Variants in ADAMTS2 observed in about 807,000 individuals in gnomAD.
ADAMTS2 encodes the protein ADAM metallopeptidase with thrombospondin type 1 motif 2.
A neutral mutation model predicts 123.0 loss-of-function variants in ADAMTS2; 50 were observed. The ratio of observed to expected loss-of-function variants is 0.41; its 90% CI spans 0.32 to 0.51. ADAMTS2 has a LOEUF of 0.51. Ranked by LOEUF, ADAMTS2 falls within the 20% of genes least tolerant of loss-of-function variation. ADAMTS2 has a pLI of 0.35. For synonymous variants in ADAMTS2, 678 were observed against 695.4 expected (o/e 0.98, Z 0.39); for missense variants, 1,494 against 1,705.2 (o/e 0.88, Z 2.18).
At chr5:179,292,317 C>T (rs1012761389) in intron 2 of ADAMTS2, among the ~76,000 whole-genome samples, 3 of 144,172 alleles carry the variant, frequency 2.1e-5, no homozygotes, top group Non-Finnish European at 4.6e-5. Context: ...ACATTGTGAG[C>T]GGTAACAGCT....
intron 10 of ADAMTS2, among the ~76,000 whole-genome samples, chr5:179,143,158 G>A (rs1445624000): frequency 1.3e-5 from 2 of 152,236 alleles, no homozygotes; most frequent in Non-Finnish European, 2.9e-5. Context: ...TAGAGGCTGA[G>A]TGCAATGGCT....
In ADAMTS2 at chr5:179,201,870, T is replaced by C. The variant is rs530002780; in HGVS notation, c.891+5643A>G. ...GACTATTTCAATAAACCAAAAAACA[T>C]GCTTTTCTAGATGTAAGGAGGAAGA... is the stretch of plus-strand genomic sequence containing the variant. On this transcript the variant is annotated intron_variant, in intron 4 of 21. Transcript: ENST00000251582. 9.2e-5 allele frequency among the ~76,000 whole-genome samples: 14 copies of C among 152,134 alleles called. No individual in the cohort carries two copies. The South Asian group carries it at 2.5e-3, about 27-fold the overall frequency.
In ADAMTS2 at chr5:179,132,724, T is replaced by C. The variant is rs1762986486; in HGVS notation, c.2209+53A>G. 1.2e-6 allele frequency: 2 copies of C among 1,611,330 alleles called. No homozygotes were observed. Among genetic ancestry groups the C allele is most frequent in the Non-Finnish European group, 1.7e-6 (2 of 1,178,162 alleles). The stretch of plus-strand genomic sequence containing the variant: ...AGTCAGGCCCTCAGCTGTCCGGGCA[T>C]GAGCCTGCTGCAGGCATCCAGGCTC... On this transcript the variant is annotated intron_variant, in intron 14 of 21. Coordinates refer to ENST00000251582, the MANE Select transcript of ADAMTS2 (RefSeq NM_014244.5). This position sits in a 1 kb window ranked among gnomAD's most constrained non-coding sequence, Gnocchi z 6.1.
chr5:179,272,857 G>C lies in ADAMTS2; in HGVS notation c.688+54C>G. ...TGAGTCTCTGGGATGCTCCCCTGGG[G>C]ACCAGGGCCTCAGAGGGCTCTCCAC... On this transcript the variant is annotated intron_variant, in intron 3 of 21. Coordinates refer to ENST00000251582, the MANE Select transcript of ADAMTS2 (RefSeq NM_014244.5). This position sits in a 1 kb window ranked among gnomAD's most constrained non-coding sequence, Gnocchi z 5.8. The C allele has an allele frequency of 6.3e-7, 1 of 1,584,612 alleles. No homozygotes were observed. The highest frequency in any genetic ancestry group is 1.1e-5 in the South Asian group (1 of 89,774).
chr5:179,327,648 C>T (rs996330986), intron 2 of ADAMTS2, among the ~76,000 whole-genome samples: 6 of 152,130 alleles, frequency 3.9e-5, no homozygotes, highest in Non-Finnish European at 8.8e-5. Context: ...GCCGTGCCAC[C>T]GTGGGGAAAT....
chr5:179,320,938 C>T (rs163497), intron 2 of ADAMTS2, among the ~76,000 whole-genome samples: 121,376 of 152,012 alleles, frequency 0.8, 48,820 homozygotes, highest in Admixed American at 0.88. Context: ...GAAATCGACA[C>T]AGAGGAGAGC....
At chr5:179,143,173 C>T (rs772963047) in intron 10 of ADAMTS2, among the ~76,000 whole-genome samples, 69 of 152,182 alleles carry the variant, frequency 4.5e-4, no homozygotes, top group Non-Finnish European at 9.6e-4. Context: ...ATGGCTCACA[C>T]CTGTAGTCCC....
intron 4 of ADAMTS2, among the ~76,000 whole-genome samples, chr5:179,194,635 C>G (rs1290479445): frequency 6.6e-6 from 1 of 152,202 alleles, no homozygotes; most frequent in East Asian, 1.9e-4. Flanking sequence ...TAGGGGAGGA[C>G]CAGCACAGGG....
rs952280304 is a variant in ADAMTS2 at position 179,228,657 on chromosome 5, G to A, written c.689-20942C>T. On this transcript the variant is annotated intron_variant, in intron 3 of 21. Coordinates refer to ENST00000251582, the MANE Select transcript of ADAMTS2 (RefSeq NM_014244.5). This position sits in a 1 kb window ranked among gnomAD's most constrained non-coding sequence, Gnocchi z 5.2. ...CCCCCAGCCCCAGAACCCACCATGCGCGGCTGGGCCGACTGTGCCTGCCCT... is the reference window on the plus strand; with the variant it reads ...CCCCCAGCCCCAGAACCCACCATGCACGGCTGGGCCGACTGTGCCTGCCCT... Among the ~76,000 whole-genome samples, 2 of 152,234 alleles carry A rather than the reference G, an allele frequency of 1.3e-5. No individual in the cohort carries two copies. Among genetic ancestry groups the A allele is most frequent in the African/African-American group, 4.8e-5 (2 of 41,460 alleles).
chr5:179,337,558 G>A (rs1215153598), intron 2 of ADAMTS2, among the ~76,000 whole-genome samples: 4 of 152,222 alleles, frequency 2.6e-5, no homozygotes, highest in Non-Finnish European at 4.4e-5. Context: ...CTGCTGTGCC[G>A]GCAGCAACAC....
chr5:179,277,475 A>C (rs1766747455), intron 2 of ADAMTS2, among the ~76,000 whole-genome samples: 1 of 40,772 alleles, frequency 2.5e-5, no homozygotes, highest in Non-Finnish European at 4.8e-5. Context: ...CCCGAGACCA[A>C]AGGCTGACCC....
At position 179,167,342 on chromosome 5, in the gene ADAMTS2, C is replaced by T. The variant is rs569861322; in HGVS notation, c.976-8463G>A. On this transcript the variant is annotated intron_variant, in intron 5 of 21. Coordinates refer to ENST00000251582, the MANE Select transcript of ADAMTS2 (RefSeq NM_014244.5). ...GGGGACGCACCCGGCGCCCAGACTC[C>T]GCGGCCGCACCCGGGCTCCCGGGGC... Among the ~76,000 whole-genome samples, 11 of 152,120 alleles carry T rather than the reference C, an allele frequency of 7.2e-5. No homozygotes were observed. The South Asian group carries it at 2.1e-3, about 29-fold the overall frequency.
At chr5:179,282,595 T>G (rs1035957793) in intron 2 of ADAMTS2, among the ~76,000 whole-genome samples, 2 of 152,224 alleles carry the variant, frequency 1.3e-5, no homozygotes, top group African/African-American at 4.8e-5. Flanking sequence ...CTCAATAGCA[T>G]TTTGGTTAGT....
At chr5:179,291,070 C>T (rs1450590379) in intron 2 of ADAMTS2, among the ~76,000 whole-genome samples, 1 of 152,176 alleles carries the variant, frequency 6.6e-6, no homozygotes, top group Non-Finnish European at 1.5e-5. Context: ...GCTTGATGAG[C>T]GAGCCACCCT....
At position 179,158,955 on chromosome 5, in the gene ADAMTS2, T is replaced by A; in HGVS notation, c.976-76A>T. The A allele has an allele frequency of 6.4e-7, 1 of 1,552,284 alleles. No individual in the cohort carries two copies. ...CAGTGGGGGGCCGAGCAGGCTGTAG[T>A]GTTGACAGACCCCATCCACTGGGAA... On this transcript the variant is annotated intron_variant, in intron 5 of 21. Transcript: ENST00000251582. The surrounding 1 kb of genome is among the most constrained non-coding windows in gnomAD (Gnocchi z 5.0).
At position 179,234,022 on chromosome 5, in the gene ADAMTS2, AC is replaced by A. The variant is rs1333199465; in HGVS notation, c.689-26308del. 6.6e-6 allele frequency among the ~76,000 whole-genome samples: 1 copy of A among 151,806 alleles called. No homozygotes were observed. Among genetic ancestry groups the A allele is most frequent in the East Asian group, 1.9e-4 (1 of 5,174 alleles). ...TAAACACCTGGTCACAATGGTTAAG[AC>A]CCTCCTGTGTCCAGGACCCCGACTG... On this transcript the variant is annotated intron_variant, in intron 3 of 21. Transcript: ENST00000251582. The surrounding 1 kb of genome is among the most constrained non-coding windows in gnomAD (Gnocchi z 4.7).
In ADAMTS2 at chr5:179,132,960, C is replaced by T; in HGVS notation, c.2086-60G>A. On this transcript the variant is annotated intron_variant, in intron 13 of 21. Transcript: ENST00000251582. The surrounding 1 kb of genome is among the most constrained non-coding windows in gnomAD (Gnocchi z 6.1). ...TCCTGCTAGTAGAGTCAGGGTCATACTATGTTGCCCCCAGTCTCGAACACC... is the reference window on the plus strand; with the variant it reads ...TCCTGCTAGTAGAGTCAGGGTCATATTATGTTGCCCCCAGTCTCGAACACC... 1 of 1,587,154 alleles carries T rather than the reference C, an allele frequency of 6.3e-7. No homozygotes were observed. The highest frequency in any genetic ancestry group is 8.6e-7 in the Non-Finnish European group (1 of 1,167,702).
intron 2 of ADAMTS2, among the ~76,000 whole-genome samples, chr5:179,298,965 G>A (rs998205152): frequency 1.3e-5 from 2 of 152,172 alleles, no homozygotes; most frequent in African/African-American, 4.8e-5. Flanking sequence ...TGATGACAGT[G>A]AGAATTCAGC....
intron 13 of ADAMTS2, among the ~76,000 whole-genome samples, chr5:179,134,203 A>G (rs1763013674): frequency 6.6e-6 from 1 of 152,104 alleles, no homozygotes; most frequent in Non-Finnish European, 1.5e-5. Flanking sequence ...AAAACGTCCT[A>G]TGTCTTGATA....
Sources: allele counts gnomAD v4.1 joint callset (sites outside exome capture counted in the v4.1 genomes callset), GRCh38; gene constraint gnomAD v4.1.1; non-coding constraint Gnocchi (gnomAD v3.1); transcripts MANE v1.5; gene names NCBI Gene and HGNC (gene_info 2026-07-23, HGNC 2026-07-21).